The following TMTC2 variants were observed in gnomAD, a reference collection of about 807,000 sequenced individuals.
TMTC2 encodes transmembrane O-mannosyltransferase targeting cadherins 2.
TMTC2 carries 43 observed loss-of-function variants against 82.4 expected under a neutral mutation model. The observed-to-expected ratio is 0.52, with a 90% CI of 0.41 to 0.67. The LOEUF is 0.67. Among genes scored for constraint, TMTC2 ranks in the 30% least tolerant of loss-of-function variants. The pLI, the probability that TMTC2 is intolerant of heterozygous loss-of-function variation, is 0.00. For synonymous variants in TMTC2, 408 were observed against 381.9 expected (o/e 1.07, Z -0.80); for missense variants, 919 against 1,012.4 (o/e 0.91, Z 1.25).
intron 10 of TMTC2, among the ~76,000 whole-genome samples, chr12:83,059,041 A>G (rs1882644157): frequency 6.6e-6 from 1 of 151,822 alleles, no homozygotes; most frequent in African/African-American, 2.4e-5. Flanking sequence ...TTCTGTCCCA[A>G]AAAAGAAATA....
At chr12:83,012,314 TGGCAAA>T (rs1880497657) in intron 8 of TMTC2, among the ~76,000 whole-genome samples, 1 of 152,178 alleles carries the variant, frequency 6.6e-6, no homozygotes, top group Non-Finnish European at 1.5e-5. Flanking sequence ...AAGGGATAAA[TGGCAAA>T]GGTGAAGTTT....
At chr12:83,024,863 G>A (rs1193811093) in intron 8 of TMTC2, among the ~76,000 whole-genome samples, 1 of 152,120 alleles carries the variant, frequency 6.6e-6, no homozygotes, top group Non-Finnish European at 1.5e-5. Context: ...ATGTAAATAA[G>A]TAATTAAGTA....
At chr12:82,997,408 A>ATATG (rs1184785070) in intron 8 of TMTC2, among the ~76,000 whole-genome samples, 2,019 of 41,270 alleles carry the variant, frequency 0.049, 156 homozygotes, top group African/African-American at 0.11. Flanking sequence ...GTATATATAT[A>ATATG]TGTGTATATA....
At chr12:83,009,098 G>A (rs1377040011) in intron 8 of TMTC2, among the ~76,000 whole-genome samples, 3 of 152,146 alleles carry the variant, frequency 2.0e-5, no homozygotes, top group Admixed American at 6.5e-5. Flanking sequence ...CATTAGGTGA[G>A]ACAAAGTGAA....
intron 1 of TMTC2, among the ~76,000 whole-genome samples, chr12:82,746,036 G>A (rs1038892044): frequency 1.3e-5 from 2 of 152,176 alleles, no homozygotes; most frequent in African/African-American, 4.8e-5. Flanking sequence ...TGGCTGGAGA[G>A]AGCATTGTTT....
At chr12:82,944,594 A>G (rs1876901651) in intron 4 of TMTC2, among the ~76,000 whole-genome samples, 1 of 151,734 alleles carries the variant, frequency 6.6e-6, no homozygotes, top group South Asian at 2.1e-4. Context: ...GAAAAGAAAA[A>G]GAAAAAGTAG....
chr12:83,095,492 G>A (rs1001597615), intron 11 of TMTC2, among the ~76,000 whole-genome samples: 8 of 152,008 alleles, frequency 5.3e-5, no homozygotes, highest in Non-Finnish European at 1.2e-4. Context: ...CACCCGCCTC[G>A]GCCTCCCAAA....
intron 7 of TMTC2, among the ~76,000 whole-genome samples, chr12:82,967,198 C>T (rs1367499585): frequency 1.3e-5 from 2 of 152,060 alleles, no homozygotes; most frequent in Non-Finnish European, 2.9e-5. Context: ...CAGCGATTCC[C>T]AACACCTTGG....
At chr12:83,052,134 T>C (rs1283497037) in intron 10 of TMTC2, among the ~76,000 whole-genome samples, 3 of 152,064 alleles carry the variant, frequency 2.0e-5, no homozygotes, top group South Asian at 4.1e-4. Context: ...TTACATAGAT[T>C]ACTCTTACAA....
Position 82,965,466 on chromosome 12 carries a change from T to C in TMTC2, c.1685-94T>C. 3.6e-6 allele frequency: 5 copies of C among 1,404,998 alleles called. No individual in the cohort carries two copies. The South Asian group carries it at 3.9e-5, about 11-fold the overall frequency. 87.0% of individuals were successfully genotyped at this position (1,404,998 alleles called of 1,614,324 possible). On this transcript the variant is annotated intron_variant, in intron 5 of 11. Coordinates refer to ENST00000321196, the MANE Select transcript of TMTC2 (RefSeq NM_152588.3). ...TATTTTTTTCTTTTTTAATGAGCAC[T>C]AAACCATAGAAACCAAATTGAAACA...
chr12:83,125,336 A>G (rs1033010683), intron 11 of TMTC2, among the ~76,000 whole-genome samples: 2 of 152,154 alleles, frequency 1.3e-5, no homozygotes, highest in Non-Finnish European at 2.9e-5. Flanking sequence ...TTTAGGACCA[A>G]TTTTGAGGTA....
At chr12:82,785,072 C>T (rs1246419216) in intron 1 of TMTC2, among the ~76,000 whole-genome samples, 3 of 152,046 alleles carry the variant, frequency 2.0e-5, no homozygotes, top group African/African-American at 7.2e-5. Flanking sequence ...TTTTGCTTCT[C>T]TTAAAGATGT....
chr12:82,940,227 G>A (rs894437321), intron 4 of TMTC2, among the ~76,000 whole-genome samples: 6 of 151,684 alleles, frequency 4.0e-5, no homozygotes, highest in African/African-American at 1.5e-4. Context: ...ATGTTAGTCA[G>A]GTTGGTCTCG....
chr12:82,806,542 C>T (rs1057274897), intron 1 of TMTC2, among the ~76,000 whole-genome samples: 3 of 152,032 alleles, frequency 2.0e-5, no homozygotes, highest in African/African-American at 4.8e-5. Flanking sequence ...TCCGTGCAGT[C>T]GAAAATGTGC....
At chr12:82,727,483 C>T (rs1022365365) in intron 1 of TMTC2, among the ~76,000 whole-genome samples, 1 of 151,778 alleles carries the variant, frequency 6.6e-6, no homozygotes. Flanking sequence ...CGTGGTGGCT[C>T]ACGGTGGAGG....
At chr12:83,037,683 A>G (rs1156600144) in intron 9 of TMTC2, among the ~76,000 whole-genome samples, 1 of 152,140 alleles carries the variant, frequency 6.6e-6, no homozygotes, top group East Asian at 1.9e-4. Flanking sequence ...ATAAATTAAT[A>G]CAATTTAATC....
chr12:82,702,830 A>G (rs973561110), intron 1 of TMTC2, among the ~76,000 whole-genome samples: 1 of 152,118 alleles, frequency 6.6e-6, no homozygotes, highest in Non-Finnish European at 1.5e-5. Context: ...CCTGGGCAAC[A>G]CAGGGAGACC....
At chr12:83,041,652 A>G (rs1302989358) in intron 9 of TMTC2, among the ~76,000 whole-genome samples, 2 of 152,220 alleles carry the variant, frequency 1.3e-5, no homozygotes, top group Admixed American at 6.5e-5. Flanking sequence ...ACATGTAAAC[A>G]AAAAGATCAG....
At chr12:82,971,169 C>A (rs1483559037) in intron 7 of TMTC2, among the ~76,000 whole-genome samples, 1 of 151,742 alleles carries the variant, frequency 6.6e-6, no homozygotes, top group East Asian at 1.9e-4. Context: ...CCAAATCTTA[C>A]AAAGTTCAGA....
Sources: gnomAD v4.1 joint callset for allele counts (sites outside exome capture counted in the v4.1 genomes callset) on GRCh38, gnomAD v4.1.1 for gene constraint, MANE v1.5 for transcripts, NCBI Gene and HGNC (gene_info 2026-07-23, HGNC 2026-07-21) for gene names.